The following IGSF11 variants were observed in gnomAD, a reference collection of about 807,000 sequenced individuals.
IGSF11 encodes immunoglobulin superfamily member 11, also known as CXADR like 1.
Under a neutral mutation model 41.0 loss-of-function variants are expected in IGSF11, and 22 were observed. The observed-to-expected ratio is 0.54, with a 90% CI of 0.38 to 0.77. The LOEUF is 0.77. Ranked by LOEUF, IGSF11 falls within the 30% of genes least tolerant of loss-of-function variation. The pLI, the probability that IGSF11 is intolerant of heterozygous loss-of-function variation, is 0.00. For missense variants in IGSF11, 444 were observed against 530.8 expected, an observed-to-expected ratio of 0.84 and a Z score of 1.61; for synonymous variants, 219 against 201.3, an observed-to-expected ratio of 1.09 and a Z score of -0.74.
At chr3:118,916,287 C>T (rs1941080287) in intron 4 of IGSF11, among the ~76,000 whole-genome samples, 1 of 151,938 alleles carries the variant, frequency 6.6e-6, no homozygotes. Context: ...GGACTAAATG[C>T]TCCAATTAAA....
intron 1 of IGSF11, among the ~76,000 whole-genome samples, chr3:118,989,045 C>T (rs1935529346): frequency 6.6e-6 from 1 of 152,154 alleles, no homozygotes; most frequent in African/African-American, 2.4e-5. Flanking sequence ...CAATGCTACC[C>T]TTAATTCATT....
intron 1 of IGSF11, among the ~76,000 whole-genome samples, chr3:118,998,575 T>C (rs899483080): frequency 3.3e-5 from 5 of 151,644 alleles, no homozygotes; most frequent in Admixed American, 1.3e-4. Flanking sequence ...CAAAGTATTA[T>C]TTGCAAAAAA....
At chr3:118,935,079 C>A (rs529389986) in intron 1 of IGSF11, among the ~76,000 whole-genome samples, 1 of 151,706 alleles carries the variant, frequency 6.6e-6, no homozygotes, top group Non-Finnish European at 1.5e-5. Flanking sequence ...CAGAACACCA[C>A]CAAGCTTTTA....
upstream of IGSF11, chr3:119,034,890 A>C (rs1028382650): frequency 1.8e-6 from 2 of 1,081,140 alleles, no homozygotes; most frequent in East Asian, 4.0e-5. Context: ...CCCCCAACTC[A>C]CGCCCCGCTA....
intron 1 of IGSF11, among the ~76,000 whole-genome samples, chr3:119,068,944 T>C (rs907709732): frequency 7.5e-6 from 1 of 133,534 alleles, no homozygotes; most frequent in African/African-American, 2.7e-5. Flanking sequence ...TTTTTTTTTT[T>C]GAGATGGAGT....
chr3:119,023,405 C>T (rs1939505704), intron 1 of IGSF11, among the ~76,000 whole-genome samples: 1 of 151,252 alleles, frequency 6.6e-6, no homozygotes, highest in Non-Finnish European at 1.5e-5. Context: ...TACAAATGGA[C>T]TATGGGATCA....
intron 1 of IGSF11, among the ~76,000 whole-genome samples, chr3:119,080,389 T>C (rs1299626800): frequency 6.6e-6 from 1 of 152,196 alleles, no homozygotes; most frequent in African/African-American, 2.4e-5. Context: ...AAAAAAATTA[T>C]GGACATTTGC....
intron 1 of IGSF11, among the ~76,000 whole-genome samples, chr3:119,022,502 G>A (rs1268046696): frequency 6.6e-6 from 1 of 152,176 alleles, no homozygotes; most frequent in Non-Finnish European, 1.5e-5. Context: ...TTAAACGGGT[G>A]AACCATATGG....
At chr3:119,106,301 A>C (rs570924368), upstream of IGSF11, among the ~76,000 whole-genome samples, 3 of 152,288 alleles carry the variant, frequency 2.0e-5, no homozygotes, top group South Asian at 6.2e-4. Context: ...AGTAGGTTTT[A>C]TTCATTCTTT....
intron 1 of IGSF11, among the ~76,000 whole-genome samples, chr3:118,943,374 G>T (rs548965487): frequency 3.5e-4 from 53 of 152,272 alleles, no homozygotes; most frequent in African/African-American, 1.3e-3. Flanking sequence ...AATGCCCTAA[G>T]CATTATATAA....
At chr3:118,975,109 G>A (rs901648830) in intron 1 of IGSF11, among the ~76,000 whole-genome samples, 1 of 152,086 alleles carries the variant, frequency 6.6e-6, no homozygotes, top group Admixed American at 6.6e-5. Flanking sequence ...AACATAATGA[G>A]ATACAGCAGC....
At chr3:119,055,061 C>A (rs976699454) in intron 1 of IGSF11, among the ~76,000 whole-genome samples, 1 of 152,208 alleles carries the variant, frequency 6.6e-6, no homozygotes, top group Non-Finnish European at 1.5e-5. Flanking sequence ...GATACCCAGG[C>A]AAACAGGGTC....
intron 1 of IGSF11, among the ~76,000 whole-genome samples, chr3:119,139,370 T>C (rs4640551): frequency 0.46 from 70,320 of 151,920 alleles, 16,372 homozygotes; most frequent in East Asian, 0.51. Context: ...TATGGTTTGG[T>C]TGTGTCCCCA....
chr3:118,955,011 C>T (rs1233894942), intron 1 of IGSF11, among the ~76,000 whole-genome samples: 2 of 152,058 alleles, frequency 1.3e-5, no homozygotes, highest in Non-Finnish European at 2.9e-5. Flanking sequence ...TAAAGAACTA[C>T]TAGTAAAAGT....
chr3:118,927,829 A>G (rs1942461779), intron 3 of IGSF11, among the ~76,000 whole-genome samples: 1 of 152,200 alleles, frequency 6.6e-6, no homozygotes, highest in Non-Finnish European at 1.5e-5. Context: ...AAAATAAAAC[A>G]TGCTTATAAT....
intron 1 of IGSF11, chr3:119,112,513 C>CA (rs1417897697): frequency 6.6e-6 from 1 of 152,272 alleles, no homozygotes; most frequent in Non-Finnish European, 1.5e-5. Context: ...TTTCCTTGAC[C>CA]AGGAAAGGGA....
At chr3:119,044,063 T>A (rs1258151856) in intron 1 of IGSF11, among the ~76,000 whole-genome samples, 2 of 152,036 alleles carry the variant, frequency 1.3e-5, no homozygotes. Context: ...AGAAAAAATC[T>A]CTGAATTGCC....
chr3:119,020,506 C>T (rs1483559939), intron 1 of IGSF11, among the ~76,000 whole-genome samples: 2 of 152,196 alleles, frequency 1.3e-5, no homozygotes, highest in African/African-American at 2.4e-5. Context: ...ACTCACTCCA[C>T]GAATGTAACA....
At chr3:119,111,331 T>A (rs2077154997) in intron 1 of IGSF11, among the ~76,000 whole-genome samples, 1 of 152,228 alleles carries the variant, frequency 6.6e-6, no homozygotes, top group Admixed American at 6.5e-5. Flanking sequence ...CTTGCTTCAT[T>A]TCATTCATTT....
Sources: allele counts gnomAD v4.1 joint callset (sites outside exome capture counted in the v4.1 genomes callset), GRCh38; gene constraint gnomAD v4.1.1; transcripts MANE v1.5; gene names NCBI Gene and HGNC (gene_info 2026-07-23, HGNC 2026-07-21).